Variants in GALNT7 observed in about 807,000 individuals in gnomAD.
GALNT7 encodes the protein N-acetylgalactosaminyltransferase 7.
In GALNT7, 60 loss-of-function variants were observed where a neutral mutation model predicts 82.1. The observed-to-expected ratio is 0.73, with a 90% CI of 0.59 to 0.91. The LOEUF (loss-of-function observed/expected upper bound fraction) is 0.91. GALNT7 is among the 40% of genes least tolerant of loss of function. GALNT7 has a pLI of 0.00. For missense variants in GALNT7, 660 were observed against 804.2 expected, an observed-to-expected ratio of 0.82 and a Z score of 2.17; for synonymous variants, 243 against 275.1, an observed-to-expected ratio of 0.88 and a Z score of 1.15.
chr4:173,241,524 A>G (rs1734433569), intron 1 of GALNT7, among the ~76,000 whole-genome samples: 1 of 152,258 alleles, frequency 6.6e-6, no homozygotes, highest in South Asian at 2.1e-4. Context: ...AGATTGGTTA[A>G]CAAGTTGCAA....
At chr4:173,229,931 A>G (rs575377539) in intron 1 of GALNT7, among the ~76,000 whole-genome samples, 2 of 152,098 alleles carry the variant, frequency 1.3e-5, no homozygotes, top group South Asian at 2.1e-4. Context: ...TGACTGACAC[A>G]TTGGCAGGCT....
intron 1 of GALNT7, among the ~76,000 whole-genome samples, chr4:173,201,923 T>C (rs1015326212): frequency 1.3e-5 from 2 of 152,222 alleles, no homozygotes; most frequent in Admixed American, 1.3e-4. Flanking sequence ...TGTCAATAGA[T>C]GCCTGGGTCT....
chr4:173,169,050 C>T, intron 1 of GALNT7, 89 bp downstream of exon 1: 2 of 1,337,470 alleles, frequency 1.5e-6, no homozygotes, highest in South Asian at 2.6e-5. Context: ...GCGGCGGGGT[C>T]GCGGCACGGC....
chr4:173,210,778 T>C (rs879081178), intron 1 of GALNT7, among the ~76,000 whole-genome samples: 1 of 152,196 alleles, frequency 6.6e-6, no homozygotes. Context: ...TCCTTCTTTT[T>C]GATTCTGCAA....
intron 1 of GALNT7, among the ~76,000 whole-genome samples, chr4:173,209,205 A>G (rs1369415113): frequency 6.6e-6 from 1 of 152,184 alleles, no homozygotes; most frequent in Non-Finnish European, 1.5e-5. Flanking sequence ...CTTCACCACC[A>G]TCCCCCGACA....
chr4:173,295,275 A>G (rs1047750329), intron 3 of GALNT7, 121 bp from the exon 4 acceptor site: 3 of 679,980 alleles, frequency 4.4e-6, no homozygotes, highest in Non-Finnish European at 7.8e-6. Context: ...AAAACGTGCA[A>G]TCTGGTCCAT....
intron 1 of GALNT7, among the ~76,000 whole-genome samples, chr4:173,203,598 G>T (rs556743666): frequency 5.7e-4 from 86 of 152,132 alleles, no homozygotes; most frequent in Non-Finnish European, 9.9e-4. Flanking sequence ...GCTATGCCTT[G>T]ATTCCTTATG....
chr4:173,283,935 C>T (rs943320129), intron 2 of GALNT7, among the ~76,000 whole-genome samples: 5 of 152,156 alleles, frequency 3.3e-5, no homozygotes, highest in Non-Finnish European at 7.4e-5. Context: ...CTAGAGAAAC[C>T]AGGCAGAGAG....
intron 2 of GALNT7, among the ~76,000 whole-genome samples, chr4:173,257,213 A>G (rs765905869): frequency 6.6e-6 from 1 of 152,208 alleles, no homozygotes; most frequent in Non-Finnish European, 1.5e-5. Context: ...CTTGATCTAT[A>G]GGAATCATTT....
Position 173,248,145 on chromosome 4 carries a change from C to T in GALNT7, c.292C>T (p.His98Tyr), listed in dbSNP as rs377262941. The T allele has an allele frequency of 4.3e-5, 70 of 1,613,756 alleles. No homozygotes were observed. Among genetic ancestry groups the T allele is most frequent in the Non-Finnish European group, 5.5e-5 (65 of 1,179,876 alleles). ...INKAKNEQEH[H>Y]AGGDSQKDIM... ...CAAGGCCAAAAATGAACAAGAGCACCATGCTGGAGGAGATTCCCAGAAAGA... is the reference window on the plus strand; with the variant it reads ...CAAGGCCAAAAATGAACAAGAGCACTATGCTGGAGGAGATTCCCAGAAAGA... Residue 98 changes from histidine (H) to tyrosine (Y), a missense_variant, in exon 2 of 12, where the codon CAT becomes TAT. By Grantham distance (83) the His-to-Tyr change is moderately conservative. Coordinates refer to ENST00000265000, the MANE Select transcript of GALNT7 (RefSeq NM_017423.3).
At chr4:173,216,706 C>CATATATAT (rs202210734) in intron 1 of GALNT7, among the ~76,000 whole-genome samples, 9 of 56,968 alleles carry the variant, frequency 1.6e-4, no homozygotes, top group African/African-American at 8.7e-4. Context: ...GTGTACTATT[C>CATATATAT]ATATATATAT....
At chr4:173,205,913 G>A (rs1733077316) in intron 1 of GALNT7, among the ~76,000 whole-genome samples, 1 of 152,074 alleles carries the variant, frequency 6.6e-6, no homozygotes, top group African/African-American at 2.4e-5. Flanking sequence ...CCTGGTGGTG[G>A]GGCAGGTCCA....
At chr4:173,229,865 A>G (rs1167477016) in intron 1 of GALNT7, among the ~76,000 whole-genome samples, 1 of 151,306 alleles carries the variant, frequency 6.6e-6, no homozygotes, top group East Asian at 1.9e-4. Context: ...TTTCATTTTT[A>G]TCTCCATTTT....
At chr4:173,251,387 T>G (rs780548146) in intron 2 of GALNT7, among the ~76,000 whole-genome samples, 1 of 152,220 alleles carries the variant, frequency 6.6e-6, no homozygotes, top group Non-Finnish European at 1.5e-5. Flanking sequence ...AACCTGAGTA[T>G]TATTAGCTGT....
rs113755777 is a variant in GALNT7, at chr4:173,295,250, G to A, written c.755-146G>A. 1.7e-3 allele frequency: 1,011 copies of A among 597,236 alleles called. 5 individuals are homozygous for A. Among genetic ancestry groups the A allele is most frequent in the African/African-American group, 9.8e-3 (525 of 53,534 alleles). 37.0% of individuals were successfully genotyped at this position (597,236 alleles called of 1,614,324 possible). A position where few individuals can be genotyped will look rare whatever the true frequency, so the allele number is the denominator to read the frequency against. On this transcript the variant is annotated intron_variant, in intron 3 of 11. Coordinates refer to ENST00000265000, the MANE Select transcript of GALNT7 (RefSeq NM_017423.3). ...AAAATTAACTTAAATAATATACTTC[G>A]CCTTCCTTCTTGATAAAACGTGCAA... is the stretch of plus-strand genomic sequence containing the variant.
intron 2 of GALNT7, among the ~76,000 whole-genome samples, chr4:173,257,818 G>C (rs1735100464): frequency 6.6e-6 from 1 of 152,196 alleles, no homozygotes; most frequent in East Asian, 1.9e-4. Flanking sequence ...TCTAGAGAAA[G>C]ATTTGAGAAT....
At chr4:173,170,148 G>A (rs1731810398) in intron 1 of GALNT7, among the ~76,000 whole-genome samples, 1 of 152,132 alleles carries the variant, frequency 6.6e-6, no homozygotes, top group African/African-American at 2.4e-5. Flanking sequence ...CGGATGAACC[G>A]TTGCACCACC....
At position 173,302,570 on chromosome 4, in the gene GALNT7, C is replaced by T. The variant is rs1442166139; in HGVS notation, c.1266+406C>T. Among the ~76,000 whole-genome samples, 5 of 152,226 alleles carry T rather than the reference C, an allele frequency of 3.3e-5. No homozygotes were observed. The highest frequency in any genetic ancestry group is 7.3e-5 in the Non-Finnish European group (5 of 68,048). ...GATTCAAGACAGAAGCAGAGCCCCACAATGACTGTATCCTCAGGCTGACTT... is the reference window on the plus strand; with the variant it reads ...GATTCAAGACAGAAGCAGAGCCCCATAATGACTGTATCCTCAGGCTGACTT... On this transcript the variant is annotated intron_variant, in intron 7 of 11. Transcript: ENST00000265000. This position sits in a 1 kb window ranked among gnomAD's most constrained non-coding sequence, Gnocchi z 4.2.
chr4:173,308,367 G>A (rs1737237960), intron 8 of GALNT7, among the ~76,000 whole-genome samples: 2 of 152,052 alleles, frequency 1.3e-5, no homozygotes, highest in African/African-American at 2.4e-5. Context: ...CTGACACTGT[G>A]TAGGGAAATA....
Sources: gnomAD v4.1 joint callset for allele counts (sites outside exome capture counted in the v4.1 genomes callset) on GRCh38, gnomAD v4.1.1 for gene constraint, Gnocchi (gnomAD v3.1) non-coding constraint, MANE v1.5 for transcripts, NCBI Gene and HGNC (gene_info 2026-07-23, HGNC 2026-07-21) for gene names.